The following PPP1R9A variants were observed in gnomAD, a reference collection of about 807,000 sequenced individuals.
PPP1R9A encodes neurabin-1.
In PPP1R9A, 59 loss-of-function variants were observed where a neutral mutation model predicts 141.9. The observed-to-expected ratio is 0.42, with a 90% CI of 0.34 to 0.52. The LOEUF (loss-of-function observed/expected upper bound fraction) is 0.52. PPP1R9A is among the 20% of genes least tolerant of loss of function. PPP1R9A has a pLI of 0.10. For missense variants in PPP1R9A, 1,444 were observed against 1,611.9 expected (o/e 0.90, Z 1.78); for synonymous variants, 500 against 569.7 (o/e 0.88, Z 1.74).
chr7:95,000,813 A>G (rs1802812795), intron 2 of PPP1R9A, among the ~76,000 whole-genome samples: 1 of 152,134 alleles, frequency 6.6e-6, no homozygotes, highest in African/African-American at 2.4e-5. Flanking sequence ...ATTCTACACT[A>G]TCTCTGAATA....
At position 95,226,096 on chromosome 7, in the gene PPP1R9A, C is replaced by G. The variant is rs1418403862; in HGVS notation, c.2092C>G (p.Leu698Val). The change falls in exon 8 of 20, where the codon CTC becomes GTC. Residue 698 changes from leucine to valine, a missense_variant. Coordinates refer to ENST00000433360, the MANE Select transcript of PPP1R9A (RefSeq NM_001166160.2). ...CCCATCAGAACTGGACACAAGCAAG[C>G]TCAGTCACAAGTTCAAAGAGGTATG... is the stretch of plus-strand genomic sequence containing the variant. ...FSPSELDTSKLSHKFKELQIK... is the reference protein window; with the variant it reads ...FSPSELDTSKVSHKFKELQIK... 1 of 1,613,010 alleles carries G rather than the reference C, an allele frequency of 6.2e-7. No individual in the cohort carries two copies.
intron 2 of PPP1R9A, among the ~76,000 whole-genome samples, chr7:95,068,473 G>GAAAAAAAAAAAAAAAAAA (rs36043693): frequency 1.1e-5 from 1 of 94,214 alleles, no homozygotes; most frequent in African/African-American, 4.1e-5. Flanking sequence ...CTTGTCTCAA[G>GAAAAAAAAAAAAAAAAAA]AAAAAAAAAA....
chr7:95,053,923 A>G (rs925102083), intron 2 of PPP1R9A, among the ~76,000 whole-genome samples: 2 of 152,166 alleles, frequency 1.3e-5, no homozygotes, highest in African/African-American at 4.8e-5. Flanking sequence ...AGGTCTATTG[A>G]AGATAGGAAA....
intron 2 of PPP1R9A, among the ~76,000 whole-genome samples, chr7:94,922,039 G>A (rs536638485): frequency 2.4e-4 from 36 of 150,790 alleles, no homozygotes; most frequent in Admixed American, 6.6e-5. Context: ...CTTGCTTAGC[G>A]TCTAGAATTA....
chr7:95,113,964 C>T (rs1326648626), intron 3 of PPP1R9A, among the ~76,000 whole-genome samples: 1 of 152,186 alleles, frequency 6.6e-6, no homozygotes, highest in Admixed American at 6.5e-5. Context: ...AAGACACTTT[C>T]ATTTGGAGTT....
chr7:95,202,697 A>G, intron 6 of PPP1R9A: 1 of 458,902 alleles, frequency 2.2e-6, no homozygotes, highest in South Asian at 9.3e-5. Context: ...GTCATACTCC[A>G]CCACTATCAG....
chr7:95,066,270 C>A (rs927191507), intron 2 of PPP1R9A, among the ~76,000 whole-genome samples: 17 of 152,190 alleles, frequency 1.1e-4, no homozygotes, highest in Non-Finnish European at 1.6e-4. Flanking sequence ...AAGAAACCTA[C>A]CCTGCCAACA....
intron 2 of PPP1R9A, among the ~76,000 whole-genome samples, chr7:95,081,988 T>C (rs1428838198): frequency 6.6e-6 from 1 of 152,190 alleles, no homozygotes; most frequent in African/African-American, 2.4e-5. Flanking sequence ...GGGCTTATAG[T>C]ATTGGATTGC....
At chr7:95,215,078 C>T (rs1021664031) in intron 7 of PPP1R9A, among the ~76,000 whole-genome samples, 2 of 151,638 alleles carry the variant, frequency 1.3e-5, no homozygotes, top group African/African-American at 2.4e-5. Context: ...CCCATTAACT[C>T]GTCATTTATA....
At chr7:94,976,966 T>C (rs1799522858) in intron 2 of PPP1R9A, among the ~76,000 whole-genome samples, 1 of 152,022 alleles carries the variant, frequency 6.6e-6, no homozygotes, top group Non-Finnish European at 1.5e-5. Context: ...TTGCGATATA[T>C]TGGGAAGGTA....
At chr7:95,234,034 G>C (rs1328538073) in intron 8 of PPP1R9A, among the ~76,000 whole-genome samples, 4 of 152,050 alleles carry the variant, frequency 2.6e-5, no homozygotes, top group African/African-American at 9.7e-5. Flanking sequence ...CATACCTTAA[G>C]GTAATAAAAG....
intron 2 of PPP1R9A, among the ~76,000 whole-genome samples, chr7:94,985,705 T>C (rs186915618): frequency 1.3e-5 from 2 of 152,280 alleles, no homozygotes; most frequent in East Asian, 3.9e-4. Flanking sequence ...CGTCCCTTTA[T>C]TTTGAGCCTG....
intron 5 of PPP1R9A, among the ~76,000 whole-genome samples, chr7:95,195,942 C>T (rs1468093288): frequency 1.3e-5 from 2 of 152,060 alleles, no homozygotes; most frequent in African/African-American, 4.8e-5. Context: ...GTTAGCTACT[C>T]AGAAGGCTGA....
chr7:95,243,096 C>G (rs953275462), intron 8 of PPP1R9A, among the ~76,000 whole-genome samples: 1 of 152,176 alleles, frequency 6.6e-6, no homozygotes, highest in Non-Finnish European at 1.5e-5. Context: ...AAGCAATTTT[C>G]TTTTCCTCAT....
At chr7:95,210,202 T>C (rs991755130) in intron 7 of PPP1R9A, among the ~76,000 whole-genome samples, 4 of 152,260 alleles carry the variant, frequency 2.6e-5, no homozygotes, top group African/African-American at 9.6e-5. Flanking sequence ...TATTAAGACA[T>C]GGTGAATATA....
At chr7:95,129,903 C>T (rs1352361275) in intron 4 of PPP1R9A, among the ~76,000 whole-genome samples, 1 of 152,090 alleles carries the variant, frequency 6.6e-6, no homozygotes, top group Non-Finnish European at 1.5e-5. Flanking sequence ...GCAAAGGCTT[C>T]AAGAAGTGAC....
chr7:95,206,715 A>G (rs1311798543), intron 7 of PPP1R9A, among the ~76,000 whole-genome samples: 3 of 152,246 alleles, frequency 2.0e-5, no homozygotes, highest in Non-Finnish European at 4.4e-5. Flanking sequence ...TATAATTACA[A>G]TAAAAGCAGA....
At chr7:95,139,139 T>G (rs1197163371) in intron 4 of PPP1R9A, among the ~76,000 whole-genome samples, 1 of 152,154 alleles carries the variant, frequency 6.6e-6, no homozygotes, top group African/African-American at 2.4e-5. Context: ...CAAGGCTGGG[T>G]AATTGATAAA....
At chr7:95,108,230 A>G (rs1334192700) in intron 2 of PPP1R9A, among the ~76,000 whole-genome samples, 2 of 150,788 alleles carry the variant, frequency 1.3e-5, no homozygotes, top group Non-Finnish European at 1.5e-5. Flanking sequence ...TTACAAGCCT[A>G]TAAGTAAGCT....
Sources: allele counts gnomAD v4.1 joint callset (sites outside exome capture counted in the v4.1 genomes callset), GRCh38; gene constraint gnomAD v4.1.1; transcripts MANE v1.5; gene names NCBI Gene and HGNC (gene_info 2026-07-23, HGNC 2026-07-21).